FAIM: variants seen among roughly 807,000 people sequenced by gnomAD.
FAIM encodes Fas apoptotic inhibitory molecule.
A neutral mutation model predicts 21.2 loss-of-function variants in FAIM; 14 were observed. That is an observed-to-expected ratio of 0.66 (90% CI 0.44 to 1.03). The LOEUF is 1.03. Among genes scored for constraint, FAIM ranks in the 50% least tolerant of loss-of-function variants. The pLI is 0.00. For synonymous variants in FAIM, 86 were observed against 80.4 expected, an observed-to-expected ratio of 1.07 and a Z score of -0.37; for missense variants, 222 against 247.1, an observed-to-expected ratio of 0.90 and a Z score of 0.68.
chr3:138,622,177 T>G lies in FAIM; in HGVS notation c.178-11T>G. ...TCCATTTGTTTCATATTTTTCTGTT[T>G]TATTATGTAGGAAGAGATAAGAAAA... On this transcript the variant is annotated splice_polypyrimidine_tract_variant and intron_variant, in intron 3 of 5. Coordinates refer to ENST00000360570, the MANE Select transcript of FAIM (RefSeq NM_001033031.2). 6.4e-7 allele frequency: 1 copy of G among 1,568,180 alleles called. No homozygotes were observed.
chr3:138,610,123 G>A (rs1560491412), intron 1 of FAIM, among the ~76,000 whole-genome samples: 1 of 152,154 alleles, frequency 6.6e-6, no homozygotes, highest in East Asian at 1.9e-4. Flanking sequence ...AGGGAACCAT[G>A]AGCATCTTAG....
intron 1 of FAIM, among the ~76,000 whole-genome samples, chr3:138,617,048 T>C (rs1275260603): frequency 1.3e-5 from 2 of 152,274 alleles, no homozygotes; most frequent in East Asian, 3.9e-4. Context: ...GCCTGAATGA[T>C]TGTTCATAGT....
intron 5 of FAIM, 69 bp downstream of exon 5, chr3:138,629,225 C>G (rs2042976186): frequency 3.2e-6 from 4 of 1,264,446 alleles, no homozygotes; most frequent in East Asian, 2.3e-5. Context: ...GCTGCATTTC[C>G]TAATTATAGA....
intron 4 of FAIM, among the ~76,000 whole-genome samples, chr3:138,626,036 G>C (rs1301245394): frequency 1.3e-5 from 2 of 152,196 alleles, no homozygotes; most frequent in African/African-American, 4.8e-5. Flanking sequence ...ACGCTGGAAG[G>C]AAATTCTCTT....
At chr3:138,621,807 GAGTCTCGCTGTGTC>G (rs1178001578) in intron 3 of FAIM, among the ~76,000 whole-genome samples, 3 of 151,260 alleles carry the variant, frequency 2.0e-5, no homozygotes, top group Non-Finnish European at 4.4e-5. Context: ...TTTTGAGACG[GAGTCTCGCTGTGTC>G]ACCCAGGCTG....
At chr3:138,611,033 C>CT in intron 1 of FAIM, 1 of 1,612,626 alleles carries the variant, frequency 6.2e-7, no homozygotes, top group Non-Finnish European at 8.5e-7. Flanking sequence ...CTCTGCCACT[C>CT]TGAGGTTAGT....
intron 4 of FAIM, among the ~76,000 whole-genome samples, chr3:138,626,493 C>T (rs1184858892): frequency 2.0e-5 from 3 of 152,072 alleles, no homozygotes; most frequent in East Asian, 1.9e-4. Flanking sequence ...TATTATATTC[C>T]GAAGATCCTT....
At chr3:138,622,121 GTTAT>G in intron 3 of FAIM, 63 bp from the exon 4 acceptor site, 1 of 1,296,912 alleles carries the variant, frequency 7.7e-7, no homozygotes, top group Non-Finnish European at 1.1e-6. Context: ...TTCACTTTAC[GTTAT>G]TTCTAAAATT....
chr3:138,621,984 G>C (rs530123777), intron 3 of FAIM, among the ~76,000 whole-genome samples: 1 of 152,050 alleles, frequency 6.6e-6, no homozygotes, highest in African/African-American at 2.4e-5. Context: ...GGGTTTCACT[G>C]TTGGCCAGGC....
chr3:138,622,504 G>T, intron 4 of FAIM, 88 bp downstream of exon 4: 1 of 886,816 alleles, frequency 1.1e-6, no homozygotes, highest in South Asian at 1.9e-5. Context: ...CTTCTATGGA[G>T]GTTTGAAAAG....
rs768871562 is a variant in FAIM at position 138,629,109 on chromosome 3, A to G, written c.409A>G (p.Lys137Glu). 2.5e-6 allele frequency: 4 copies of G among 1,604,800 alleles called. No homozygotes were observed. The highest frequency in any genetic ancestry group is 3.4e-6 in the Non-Finnish European group (4 of 1,176,746). ...AAGTTTTTATGTTACCTTTACAGAA[A>G]AAGATGCTATGGACGTATGGTGCAA... ...DGENFRIVLE[K>E]DAMDVWCNGK... Residue 137 changes from lysine (K) to glutamate (E), a missense_variant and splice_region_variant, in exon 5 of 6, where the codon AAA becomes GAA. Coordinates refer to ENST00000360570, the MANE Select transcript of FAIM (RefSeq NM_001033031.2).
At chr3:138,613,103 C>T (rs1231948125) in intron 1 of FAIM, among the ~76,000 whole-genome samples, 1 of 151,610 alleles carries the variant, frequency 6.6e-6, no homozygotes, top group East Asian at 1.9e-4. Context: ...CAGCCTCCGC[C>T]TCCTGGGTTC....
Position 138,625,605 on chromosome 3 carries a change from A to G in FAIM, c.406+3189A>G, listed in dbSNP as rs186804735. Among the ~76,000 whole-genome samples the G allele has an allele frequency of 2.4e-4, 36 of 152,354 alleles. No individual in the cohort carries two copies. In the East Asian group the frequency reaches 2.9e-3, roughly 12 times the overall value. ...GTGGCAAGTTTCAAATAACAATATT[A>G]TATGACTTGCTAAATTTTATATTGA... On this transcript the variant is annotated intron_variant, in intron 4 of 5. Coordinates refer to ENST00000360570, the MANE Select transcript of FAIM (RefSeq NM_001033031.2).
chr3:138,612,096 A>ATT lies in FAIM; in HGVS notation c.-17+3180_-17+3181dup, dbSNP rs138371254. 5.1e-3 allele frequency among the ~76,000 whole-genome samples: 516 copies of ATT among 100,742 alleles called. 6 individuals are homozygous for ATT. The highest frequency in any genetic ancestry group is 0.014 in the African/African-American group (350 of 25,838). 66.1% of individuals were successfully genotyped at this position (100,742 alleles called of 152,430 possible). A position where few individuals can be genotyped will look rare whatever the true frequency, so the allele number is the denominator to read the frequency against. ...CATATTTGTCATTTTTTGTCTGGCT[A>ATT]TTTTTTTTTTTTTTTTTTTTTTGAG... On this transcript the variant is annotated intron_variant, in intron 1 of 5. Transcript: ENST00000360570.
intron 5 of FAIM, among the ~76,000 whole-genome samples, chr3:138,631,726 A>G (rs2043007277): frequency 6.6e-6 from 1 of 152,182 alleles, no homozygotes; most frequent in Non-Finnish European, 1.5e-5. Context: ...AATTGCCAAG[A>G]AGCTACGTAT....
chr3:138,624,066 T>A (rs2042915461), intron 4 of FAIM, among the ~76,000 whole-genome samples: 1 of 152,174 alleles, frequency 6.6e-6, no homozygotes, highest in Non-Finnish European at 1.5e-5. Context: ...TGGGAGCTCA[T>A]CTTATCCCTT....
In FAIM at chr3:138,625,557, TA is replaced by T. The variant is rs1171706742; in HGVS notation, c.406+3145del. On this transcript the variant is annotated intron_variant, in intron 4 of 5. Transcript: ENST00000360570. ...AATGGGCTTATCTAGAGTCTCCTGG[TA>T]AAATTCACTCTTGTATGTTATGTGG... Among the ~76,000 whole-genome samples the T allele has an allele frequency of 4.6e-5, 7 of 152,300 alleles. 1 individual carries two copies. The highest frequency in any genetic ancestry group is 1.7e-4 in the African/African-American group (7 of 41,566).
intron 4 of FAIM, among the ~76,000 whole-genome samples, chr3:138,623,754 T>C (rs2042912646): frequency 6.6e-6 from 1 of 152,152 alleles, no homozygotes. Context: ...GTGGCCACCC[T>C]AGGCTTTCTT....
intron 1 of FAIM, among the ~76,000 whole-genome samples, chr3:138,612,252 C>T (rs1186790601): frequency 6.6e-6 from 1 of 152,096 alleles, no homozygotes; most frequent in Admixed American, 6.6e-5. Flanking sequence ...AGGCGCCCGC[C>T]ACCACGCCTG....
Sources: gnomAD v4.1 joint callset for allele counts (sites outside exome capture counted in the v4.1 genomes callset) on GRCh38, gnomAD v4.1.1 for gene constraint, MANE v1.5 for transcripts, NCBI Gene and HGNC (gene_info 2026-07-23, HGNC 2026-07-21) for gene names.